The following ROBO2 variants were observed in gnomAD, a reference collection of about 807,000 sequenced individuals.
ROBO2 encodes the protein roundabout homolog 2.
ROBO2 carries 53 observed loss-of-function variants against 160.8 expected under a neutral mutation model. The observed-to-expected ratio is 0.33, with a 90% confidence interval of 0.26 to 0.41. The LOEUF is 0.41. Ranked by LOEUF, ROBO2 falls within the 10% of genes least tolerant of loss-of-function variation. ROBO2 has a pLI of 1.00. For synonymous variants in ROBO2, 664 were observed against 611.7 expected (o/e 1.09, Z -1.26); for missense variants, 1,577 against 1,722.4 (o/e 0.92, Z 1.49).
chr3:77,570,906 T>C lies in ROBO2; in HGVS notation c.1971+2472T>C, dbSNP rs79167275. On this transcript the variant is annotated intron_variant, in intron 13 of 25. Transcript: ENST00000461745. ...CAAGACATAACTACTGTAGAGACCATTCGCTGTCCCCCTTCTCACCAGGCT... is the reference window on the plus strand; with the variant it reads ...CAAGACATAACTACTGTAGAGACCACTCGCTGTCCCCCTTCTCACCAGGCT... Among the ~76,000 whole-genome samples, 929 of 152,100 alleles carry C rather than the reference T, an allele frequency of 6.1e-3. 7 individuals carry two copies. Among genetic ancestry groups the C allele is most frequent in the African/African-American group, 0.021 (879 of 41,536 alleles).
intron 2 of ROBO2, among the ~76,000 whole-genome samples, chr3:77,348,108 C>A (rs1672212966): frequency 6.6e-6 from 1 of 152,022 alleles, no homozygotes; most frequent in African/African-American, 2.4e-5. Flanking sequence ...GGGTCCTGAT[C>A]CAGATCCCAA....
chr3:76,380,146 G>A (rs1255654620), intron 2 of ROBO2, among the ~76,000 whole-genome samples: 1 of 151,984 alleles, frequency 6.6e-6, no homozygotes, highest in Non-Finnish European at 1.5e-5. Context: ...TAACACCTGT[G>A]TGCTTTGAAG....
intron 2 of ROBO2, among the ~76,000 whole-genome samples, chr3:76,037,691 C>A (rs370694251): frequency 6.6e-6 from 1 of 151,904 alleles, no homozygotes; most frequent in Non-Finnish European, 1.5e-5. Flanking sequence ...TCCCCTGCCC[C>A]CTTGAAACTC....
In ROBO2 at chr3:76,763,808, C is replaced by G. The variant is rs1011793085; in HGVS notation, c.110-334206C>G. On this transcript the variant is annotated intron_variant, in intron 2 of 26. Coordinates refer to the ROBO2 transcript ENST00000487694. Reference sequence around the variant, plus strand: ...TTTCTAACAAGCTCCAAACTGCTGCCATTGCTGCTGCTTTGCCAGCGCAGT... The same window carrying G: ...TTTCTAACAAGCTCCAAACTGCTGCGATTGCTGCTGCTTTGCCAGCGCAGT... Among the ~76,000 whole-genome samples, 53 of 151,716 alleles carry G rather than the reference C, an allele frequency of 3.5e-4. 1 individual carries two copies. Among genetic ancestry groups the G allele is most frequent in the Non-Finnish European group, 1.3e-4 (9 of 67,786 alleles).
At chr3:76,371,668 T>A (rs1267466445) in intron 2 of ROBO2, among the ~76,000 whole-genome samples, 1 of 151,978 alleles carries the variant, frequency 6.6e-6, no homozygotes, top group African/African-American at 2.4e-5. Flanking sequence ...CTGTGACTGC[T>A]ATAGATTTTG....
At chr3:76,809,312 T>C (rs1576761415) in intron 2 of ROBO2, among the ~76,000 whole-genome samples, 1 of 152,112 alleles carries the variant, frequency 6.6e-6, no homozygotes, top group Admixed American at 6.6e-5. Context: ...ATCATTCTCT[T>C]GCTGGTTGTT....
intron 2 of ROBO2, among the ~76,000 whole-genome samples, chr3:77,298,156 G>A (rs996810078): frequency 2.0e-5 from 3 of 152,160 alleles, no homozygotes; most frequent in African/African-American, 4.8e-5. Context: ...TTGTGACTTA[G>A]ATGAAGAAAA....
rs541149471 is a variant in ROBO2, at chr3:77,447,470, C to A, written c.389-29944C>A. Among the ~76,000 whole-genome samples, 9 of 152,104 alleles carry A rather than the reference C, an allele frequency of 5.9e-5. No homozygotes were observed. The East Asian group carries it at 1.7e-3, about 29-fold the overall frequency. ...TGTTAAAAATTTAACTTTTTATATA[C>A]TAAGGCTTAATGTAATAGGCTTTTG... On this transcript the variant is annotated intron_variant, in intron 2 of 25. Coordinates refer to ENST00000461745, the Ensembl canonical transcript of ROBO2.
At chr3:77,337,507 T>C (rs942506505) in intron 2 of ROBO2, among the ~76,000 whole-genome samples, 2 of 151,832 alleles carry the variant, frequency 1.3e-5, no homozygotes, top group African/African-American at 2.4e-5. Flanking sequence ...ATATGTTACC[T>C]GAACTTAAGT....
intron 1 of ROBO2, among the ~76,000 whole-genome samples, chr3:75,930,749 C>T (rs1380108534): frequency 6.6e-6 from 1 of 152,190 alleles, no homozygotes; most frequent in Non-Finnish European, 1.5e-5. Context: ...GGCCCTTCCT[C>T]AATATTCTGA....
At chr3:77,109,465 G>C (rs1226845526) in intron 2 of ROBO2, among the ~76,000 whole-genome samples, 1 of 152,118 alleles carries the variant, frequency 6.6e-6, no homozygotes, top group South Asian at 2.1e-4. Flanking sequence ...TGCCATCAAA[G>C]AACATTCAAT....
chr3:77,620,170 G>T lies in ROBO2; in HGVS notation c.3555-2057G>T, dbSNP rs538520625. Among the ~76,000 whole-genome samples, 16 of 152,264 alleles carry T rather than the reference G, an allele frequency of 1.1e-4. 1 individual carries two copies. The highest frequency in any genetic ancestry group is 3.8e-4 in the African/African-American group (16 of 41,566). ...GAATGCCTTGGCTGACTCCACATCT[G>T]GGAGTTATGAGCTTGCATGTGCTTC... On this transcript the variant is annotated intron_variant, in intron 22 of 25. Transcript: ENST00000461745.
intron 2 of ROBO2, among the ~76,000 whole-genome samples, chr3:77,001,095 C>T (rs2061315389): frequency 6.6e-6 from 1 of 152,114 alleles, no homozygotes; most frequent in African/African-American, 2.4e-5. Flanking sequence ...GTTGGTTTCA[C>T]CTAAGAACAA....
chr3:77,623,556 G>A (rs1032500774), intron 23 of ROBO2, among the ~76,000 whole-genome samples: 1 of 152,120 alleles, frequency 6.6e-6, no homozygotes, highest in Non-Finnish European at 1.5e-5. Flanking sequence ...CCATTTTTCA[G>A]TTTTTCTTCT....
chr3:77,237,047 A>C (rs139264205), intron 2 of ROBO2, among the ~76,000 whole-genome samples: 47 of 152,066 alleles, frequency 3.1e-4, no homozygotes, highest in African/African-American at 1.1e-3. Context: ...TGCTTTTTAA[A>C]TTTTGTATAG....
chr3:76,849,956 G>C (rs73125459), intron 2 of ROBO2, among the ~76,000 whole-genome samples: 19,124 of 152,140 alleles, frequency 0.13, 1,337 homozygotes, highest in East Asian at 0.24. Flanking sequence ...GGAGGCCAAG[G>C]TGGGTGGATC....
intron 2 of ROBO2, among the ~76,000 whole-genome samples, chr3:76,737,531 C>T (rs2093733599): frequency 6.6e-6 from 1 of 152,164 alleles, no homozygotes; most frequent in African/African-American, 2.4e-5. Flanking sequence ...TTTATAAATG[C>T]TGTAGTAACC....
chr3:76,061,197 T>A (rs1488349314), intron 2 of ROBO2, among the ~76,000 whole-genome samples: 1 of 152,206 alleles, frequency 6.6e-6, no homozygotes, highest in African/African-American at 2.4e-5. Context: ...TAGTTATCAT[T>A]CCTAAAACCA....
At chr3:76,215,158 C>A (rs995335021) in intron 2 of ROBO2, among the ~76,000 whole-genome samples, 1 of 152,164 alleles carries the variant, frequency 6.6e-6, no homozygotes, top group South Asian at 2.1e-4. Flanking sequence ...AAAACCCCAT[C>A]TGTATGTCAC....
Sources: allele counts gnomAD v4.1 joint callset (sites outside exome capture counted in the v4.1 genomes callset), GRCh38; gene constraint gnomAD v4.1.1; transcripts MANE v1.5; gene names NCBI Gene and HGNC (gene_info 2026-07-23, HGNC 2026-07-21).